Variants in FCN1 observed in about 807,000 individuals in gnomAD.
FCN1 encodes the protein ficolin-1.
Under a neutral mutation model 35.6 loss-of-function variants are expected in FCN1, and 42 were observed. The ratio of observed to expected loss-of-function variants is 1.18; its 90% CI spans 0.92 to 1.53. FCN1 has a LOEUF of 1.53. FCN1 is among the 40% of genes most tolerant of loss of function. FCN1 has a pLI of 0.00. For missense variants in FCN1, 439 were observed against 428.4 expected (o/e 1.02, Z -0.22); for synonymous variants, 179 against 169.8 (o/e 1.05, Z -0.42).
At position 134,909,064 on chromosome 9, in the gene FCN1, T is replaced by G. The variant is rs1830987739; in HGVS notation, c.*734A>C. 1 of 467,822 alleles carries G rather than the reference T, an allele frequency of 2.1e-6. No individual in the cohort carries two copies. Among genetic ancestry groups the G allele is most frequent in the Non-Finnish European group, 3.6e-6 (1 of 281,566 alleles). The allele number at this position is 467,822 out of a possible 1,614,324, so 29.0% of individuals were successfully genotyped here. Reference sequence around the variant, plus strand: ...CCTTCTCCATCATCTCCTAGAAGCCTTGTGCAGCTTTTCCCACTGAGGTCC... The same window carrying G: ...CCTTCTCCATCATCTCCTAGAAGCCGTGTGCAGCTTTTCCCACTGAGGTCC... On this transcript the variant is annotated 3_prime_UTR_variant, in exon 9 of 9. Coordinates refer to ENST00000371806, the MANE Select transcript of FCN1 (RefSeq NM_002003.5).
At chr9:134,914,572 A>C in intron 3 of FCN1, 152 bp from the exon 4 acceptor site, 3 of 917,210 alleles carry the variant, frequency 3.3e-6, no homozygotes, top group South Asian at 1.5e-5. Flanking sequence ...AATGGTGGGG[A>C]GGGGCCCCGA....
chr9:134,911,299 T>C, intron 7 of FCN1, 32 bp from the exon 8 acceptor site: 2 of 1,611,100 alleles, frequency 1.2e-6, no homozygotes, highest in South Asian at 2.2e-5. Flanking sequence ...GCCCCAGCCT[T>C]TAAGATCTTT....
chr9:134,916,746 G>T (rs1831097588), intron 1 of FCN1, among the ~76,000 whole-genome samples: 1 of 152,386 alleles, frequency 6.6e-6, no homozygotes, highest in African/African-American at 2.4e-5. Context: ...TTTGGTTAAA[G>T]AATGTGCATT....
rs748080941 is a variant in FCN1 at position 134,912,534 on chromosome 9, C to T, written c.550G>A (p.Gly184Arg). The change falls in exon 7 of 9, where the codon GGG becomes AGG. Residue 184 changes from glycine (G) to arginine (R), a missense_variant. Physicochemically the swap from Gly to Arg is moderately radical, Grantham distance 125 (BLOSUM62 -2). Transcript: ENST00000371806. ...AYKQGFGSQLGEFWLGNDNIH... is the reference protein window; with the variant it reads ...AYKQGFGSQLREFWLGNDNIH... Reference sequence around the variant, plus strand: ...TTGTCATTCCCCAGCCAGAACTCCCCCAGCTGACTGCCGAAGCCCTGCTTG... The same window carrying T: ...TTGTCATTCCCCAGCCAGAACTCCCTCAGCTGACTGCCGAAGCCCTGCTTG... 13 of 1,613,988 alleles carry T rather than the reference C, an allele frequency of 8.1e-6. No individual in the cohort carries two copies. In the East Asian group the frequency reaches 2.5e-4, roughly 30 times the overall value.
chr9:134,909,293 C>T lies in FCN1; in HGVS notation c.*505G>A, dbSNP rs1477870575. ...TTTCCCCCTTTTTAGTAAGTGTTTT[C>T]TGGACCCCAAAGTGACCTTTTTCAA... On this transcript the variant is annotated 3_prime_UTR_variant, in exon 9 of 9. Coordinates refer to ENST00000371806, the MANE Select transcript of FCN1 (RefSeq NM_002003.5). 1.2e-5 allele frequency: 16 copies of T among 1,289,448 alleles called. No homozygotes were observed. The highest frequency in any genetic ancestry group is 2.5e-5 in the South Asian group (2 of 81,032). The allele number at this position is 1,289,448 out of a possible 1,614,324, so 79.9% of individuals were successfully genotyped here.
At position 134,914,417 on chromosome 9, in the gene FCN1, T is replaced by C. The variant is rs1430808439; in HGVS notation, c.275A>G (p.Asp92Gly). 3.7e-6 allele frequency: 6 copies of C among 1,613,880 alleles called. No individual in the cohort carries two copies. The South Asian group carries it at 6.6e-5, about 18-fold the overall frequency. The change falls in exon 4 of 9, where the codon GAC (aspartate) becomes GGC (glycine). Residue 92 changes from aspartate to glycine, a missense_variant. Coordinates refer to ENST00000371806, the MANE Select transcript of FCN1 (RefSeq NM_002003.5). ...GKAGPVGPKG[D>G]RGEKGMRGEK... The stretch of plus-strand genomic sequence containing the variant: ...TCCACGCATCCCCTTCTCTCCTCGG[T>C]CTCCTGGAGGAAGAGGCAGGATAAT...
chr9:134,905,822 TTCTTCC>T lies in FCN1; in HGVS notation c.*3970_*3975del, dbSNP rs1317287297. 3.5e-3 allele frequency: 135 copies of T among 38,046 alleles called. 10 individuals carry two copies. Among genetic ancestry groups the T allele is most frequent in the East Asian group, 6.2e-3 (12 of 1,936 alleles). 2.4% of individuals were successfully genotyped at this position (38,046 alleles called of 1,614,324 possible). On this transcript the variant is annotated 3_prime_UTR_variant, in exon 9 of 9. Transcript: ENST00000371806. Reference sequence around the variant, plus strand: ...CTTCTTCTTCTTCCTCTTCTTCTTCTTCTTCCTCTTCCTCTTCCTCTTCCTCTTCCT... The same window carrying T: ...CTTCTTCTTCTTCCTCTTCTTCTTCTTCTTCCTCTTCCTCTTCCTCTTCCT...
chr9:134,911,030 G>A (rs897552307), intron 8 of FCN1, 103 bp downstream of exon 8: 2 of 1,174,624 alleles, frequency 1.7e-6, no homozygotes, highest in African/African-American at 1.5e-5. Context: ...TGGAGAAATG[G>A]GATTCAGAGA....
In FCN1 at chr9:134,917,829, G is replaced by A. The variant is rs775572280; in HGVS notation, c.43C>T (p.Leu15=). The part of the protein sequence containing the change: ...GATMARGLAV[L]LVLFLHIKNL... ...TTGATATGCAGGAACAAGACTAGCA[G>A]GACAGCGAGCCCCCGGGCCATGGTG... Residue 15 remains leucine (L), a synonymous_variant, in exon 1 of 9, where the codon CTG becomes TTG. Transcript: ENST00000371806. 1 of 1,614,034 alleles carries A rather than the reference G, an allele frequency of 6.2e-7. No homozygotes were observed. Among genetic ancestry groups the A allele is most frequent in the Non-Finnish European group, 8.5e-7 (1 of 1,179,954 alleles).
Position 134,909,340 on chromosome 9 carries a change from G to A in FCN1, c.*458C>T, listed in dbSNP as rs973436062. 2.3e-6 allele frequency: 3 copies of A among 1,289,426 alleles called. No homozygotes were observed. The highest frequency in any genetic ancestry group is 1.5e-5 in the African/African-American group (1 of 65,924). 79.9% of individuals were successfully genotyped at this position (1,289,426 alleles called of 1,614,324 possible). The stretch of plus-strand genomic sequence containing the variant: ...TCAAGAAGTGTGAAGTGTTGTGAGT[G>A]AGGCATGGGGGGATGGGGGAGGCTT... On this transcript the variant is annotated 3_prime_UTR_variant, in exon 9 of 9. Coordinates refer to ENST00000371806, the MANE Select transcript of FCN1 (RefSeq NM_002003.5).
rs145946900 is a variant in FCN1, at chr9:134,910,730, G to A, written c.733+403C>T. 4.6e-5 allele frequency among the ~76,000 whole-genome samples: 7 copies of A among 152,318 alleles called. No individual in the cohort carries two copies. In the East Asian group the frequency reaches 1.2e-3, roughly 25 times the overall value. On this transcript the variant is annotated intron_variant, in intron 8 of 8. Transcript: ENST00000371806. ...ACGATGTGCACTGGGAATTCCCTAA[G>A]CAGACGCCCTGTAGGAAATGCCTCC...
rs745390084 is a variant in FCN1 at position 134,911,088 on chromosome 9, C to T, written c.733+45G>A. The T allele has an allele frequency of 3.7e-6, 6 of 1,607,440 alleles. No individual in the cohort carries two copies. The East Asian group carries it at 8.9e-5, about 24-fold the overall frequency. On this transcript the variant is annotated intron_variant, in intron 8 of 8. Transcript: ENST00000371806. ...GGGAGACAGAGCCAGGTTCTCTCTG[C>T]TTTCCAAGCCCCACTCAGGCCACCA...
chr9:134,909,801 G>C lies in FCN1; in HGVS notation c.978C>G (p.Ala326=), dbSNP rs773851990. 1 of 1,613,142 alleles carries C rather than the reference G, an allele frequency of 6.2e-7. No individual in the cohort carries two copies. The highest frequency in any genetic ancestry group is 8.5e-7 in the Non-Finnish European group (1 of 1,179,934). The change falls in exon 9 of 9, where the codon GCC becomes GCG. Residue 326 remains alanine (A), a synonymous_variant. Coordinates refer to ENST00000371806, the MANE Select transcript of FCN1 (RefSeq NM_002003.5). ...ATGTGGAGGGGTCCTGGCCCGTCTAGGCGGGCCGCACCTTCATCTCTGACA... is the reference window on the plus strand; with the variant it reads ...ATGTGGAGGGGTCCTGGCCCGTCTACGCGGGCCGCACCTTCATCTCTGACA... ...YKVSEMKVRP[A]
Position 134,909,975 on chromosome 9 carries a change from C to T in FCN1, c.804G>A (p.Ser268=), listed in dbSNP as rs758083254. Residue 268 remains serine, a synonymous_variant, in exon 9 of 9, where the codon TCG becomes TCA. Coordinates refer to ENST00000371806, the MANE Select transcript of FCN1 (RefSeq NM_002003.5). ...CTCCTTGGAACTTCTCAGCACAATTCGAAGAACTCACATCATTGTCTTGGT... is the reference window on the plus strand; with the variant it reads ...CTCCTTGGAACTTCTCAGCACAATTTGAAGAACTCACATCATTGTCTTGGT... The part of the protein sequence containing the change: ...TKDQDNDVSS[S]NCAEKFQGAW... 9.3e-6 allele frequency: 15 copies of T among 1,613,970 alleles called. No individual in the cohort carries two copies. The African/African-American group carries it at 9.3e-5, about 10-fold the overall frequency.
chr9:134,913,285 C>T (rs372733970), intron 5 of FCN1, 142 bp from the exon 6 acceptor site: 51 of 1,196,092 alleles, frequency 4.3e-5, no homozygotes, highest in South Asian at 1.1e-4. Flanking sequence ...GACAGGGACA[C>T]GGCCCCCAGG....
rs559525848 is a variant in FCN1 at position 134,905,479 on chromosome 9, G to T, written c.*4319C>A. Among the ~76,000 whole-genome samples the T allele has an allele frequency of 1.2e-4, 18 of 152,098 alleles. No individual in the cohort carries two copies. The highest frequency in any genetic ancestry group is 3.2e-3 in the Middle Eastern group (1 of 316). ...GAAAAGACTCTTCATCTCTTCATAA[G>T]CTTGCTTTGCTTCTTTTATTTTGAG... On this transcript the variant is annotated 3_prime_UTR_variant, in exon 9 of 9. Transcript: ENST00000371806.
intron 5 of FCN1, 117 bp from the exon 6 acceptor site, chr9:134,913,260 G>C: frequency 7.3e-7 from 1 of 1,378,106 alleles, no homozygotes; most frequent in Non-Finnish European, 1.0e-6. Context: ...GGACCGAGCA[G>C]GACTCCGAGG....
intron 2 of FCN1, 67 bp downstream of exon 2, chr9:134,916,281 C>T: frequency 8.2e-7 from 1 of 1,222,604 alleles, no homozygotes; most frequent in Non-Finnish European, 1.2e-6. Flanking sequence ...ACTCTGCATC[C>T]AGTTTCATAA....
At chr9:134,917,115 C>T (rs12377780) in intron 1 of FCN1, among the ~76,000 whole-genome samples, 3 of 152,276 alleles carry the variant, frequency 2.0e-5, no homozygotes, top group East Asian at 1.9e-4. Context: ...GTGCTCTCAC[C>T]GGAGACATGG....
Sources: allele counts gnomAD v4.1 joint callset (sites outside exome capture counted in the v4.1 genomes callset), GRCh38; gene constraint gnomAD v4.1.1; transcripts MANE v1.5; gene names NCBI Gene and HGNC (gene_info 2026-07-23, HGNC 2026-07-21).